The following CDK6 variants were observed in gnomAD, a reference collection of about 807,000 sequenced individuals.
The protein encoded by CDK6 is cyclin dependent kinase 6.
A neutral mutation model predicts 37.1 loss-of-function variants in CDK6; 6 were observed. The observed-to-expected ratio is 0.16, with a 90% CI of 0.09 to 0.32. The LOEUF (loss-of-function observed/expected upper bound fraction) is 0.32, where lower values mean the gene tolerates loss of function less well. CDK6 is among the 10% of genes least tolerant of loss of function. The pLI, the probability that CDK6 is intolerant of heterozygous loss-of-function variation, is 1.00. For synonymous variants in CDK6, 160 were observed against 161.3 expected (o/e 0.99, Z 0.06); for missense variants, 224 against 418.9 (o/e 0.53, Z 4.06).
chr7:92,690,648 C>T (rs555553161), intron 4 of CDK6, among the ~76,000 whole-genome samples: 2 of 152,180 alleles, frequency 1.3e-5, no homozygotes, highest in Non-Finnish European at 2.9e-5. Flanking sequence ...TAACATTCTA[C>T]AGAATTAGTG....
chr7:92,787,427 C>CATT (rs1189340695), intron 2 of CDK6, among the ~76,000 whole-genome samples: 1 of 151,978 alleles, frequency 6.6e-6, no homozygotes, highest in East Asian at 1.9e-4. Flanking sequence ...TGAGGAAATC[C>CATT]TAATCATCAA....
At chr7:92,775,474 T>C (rs1308973313) in intron 2 of CDK6, among the ~76,000 whole-genome samples, 1 of 152,212 alleles carries the variant, frequency 6.6e-6, no homozygotes, top group Non-Finnish European at 1.5e-5. Context: ...GGGACCTGCA[T>C]TGGTAAACTA....
chr7:92,707,026 C>T (rs929190674), intron 4 of CDK6, among the ~76,000 whole-genome samples: 3 of 152,142 alleles, frequency 2.0e-5, no homozygotes, highest in Non-Finnish European at 4.4e-5. Flanking sequence ...AGAGAATGGT[C>T]TCCCTAAGAT....
intron 7 of CDK6, 73 bp from the exon 8 acceptor site, chr7:92,615,359 C>G (rs1346940622): frequency 8.0e-7 from 1 of 1,249,342 alleles, no homozygotes; most frequent in Non-Finnish European, 1.2e-6. Context: ...AGAGTTATCC[C>G]TTTATTCACT....
intron 2 of CDK6, among the ~76,000 whole-genome samples, chr7:92,800,365 C>T (rs936246930): frequency 3.3e-5 from 5 of 152,186 alleles, no homozygotes; most frequent in African/African-American, 7.2e-5. Context: ...TCCATGTATA[C>T]GATGTGTCTG....
chr7:92,709,015 C>G (rs972913539), intron 4 of CDK6, among the ~76,000 whole-genome samples: 8 of 152,088 alleles, frequency 5.3e-5, no homozygotes, highest in Admixed American at 2.6e-4. Flanking sequence ...TCTTATTTAT[C>G]TCATAAAGTA....
chr7:92,825,150 T>C (rs927311962), intron 2 of CDK6, among the ~76,000 whole-genome samples: 2 of 152,122 alleles, frequency 1.3e-5, no homozygotes, highest in African/African-American at 4.8e-5. Flanking sequence ...GGGTAAACAT[T>C]TCAATATGCA....
chr7:92,806,798 G>A (rs1800736411), intron 2 of CDK6, among the ~76,000 whole-genome samples: 1 of 152,170 alleles, frequency 6.6e-6, no homozygotes, highest in Non-Finnish European at 1.5e-5. Context: ...AAGGCTGTGA[G>A]CCTTTACCTG....
At chr7:92,662,253 G>A (rs1226337696) in intron 5 of CDK6, among the ~76,000 whole-genome samples, 1 of 152,136 alleles carries the variant, frequency 6.6e-6, no homozygotes, top group African/African-American at 2.4e-5. Context: ...AAGAGAAAAG[G>A]AACTCACTTC....
chr7:92,748,240 A>G lies in CDK6; in HGVS notation c.370-22447T>C, dbSNP rs572057691. 6.6e-5 allele frequency among the ~76,000 whole-genome samples: 10 copies of G among 152,334 alleles called. No individual in the cohort carries two copies. In the South Asian group the frequency reaches 2.1e-3, roughly 32 times the overall value. ...AAGCAACTATTATATCATCAGCAAG[A>G]AGGAGCAGGAAATGCAAAAAAGGCA... is the stretch of plus-strand genomic sequence containing the variant. On this transcript the variant is annotated intron_variant, in intron 3 of 7. Coordinates refer to ENST00000424848, the MANE Select transcript of CDK6 (RefSeq NM_001145306.2).
At chr7:92,741,434 G>A (rs956058203) in intron 3 of CDK6, among the ~76,000 whole-genome samples, 4 of 152,054 alleles carry the variant, frequency 2.6e-5, no homozygotes, top group Admixed American at 1.3e-4. Context: ...TTGTTTCTTC[G>A]AAATTCAAGT....
chr7:92,708,281 A>T (rs1027464473), intron 4 of CDK6, among the ~76,000 whole-genome samples: 1 of 152,234 alleles, frequency 6.6e-6, no homozygotes, highest in Non-Finnish European at 1.5e-5. Flanking sequence ...GACTATAATG[A>T]GTATATATTA....
chr7:92,650,876 A>G (rs1184300905), intron 5 of CDK6, among the ~76,000 whole-genome samples: 2 of 150,960 alleles, frequency 1.3e-5, no homozygotes, highest in African/African-American at 2.4e-5. Context: ...TTTTGCTTCT[A>G]GCCTGAGAAA....
intron 4 of CDK6, among the ~76,000 whole-genome samples, chr7:92,721,694 C>G (rs1327832045): frequency 6.6e-6 from 1 of 152,104 alleles, no homozygotes; most frequent in Non-Finnish European, 1.5e-5. Flanking sequence ...CAGATGAGGA[C>G]AAGATAAGTC....
At chr7:92,713,667 T>TAAAAAAAAAAAAAA (rs535072218) in intron 4 of CDK6, among the ~76,000 whole-genome samples, 2 of 67,218 alleles carry the variant, frequency 3.0e-5, no homozygotes, top group Non-Finnish European at 3.3e-5. Flanking sequence ...TTAAAAAAAG[T>TAAAAAAAAAAAAAA]AAAAAAAAAA....
At chr7:92,750,403 C>T (rs1417120128) in intron 3 of CDK6, among the ~76,000 whole-genome samples, 2 of 152,140 alleles carry the variant, frequency 1.3e-5, no homozygotes, top group African/African-American at 4.8e-5. Context: ...TCTAAAATGG[C>T]CTCCTGAGTA....
chr7:92,755,403 A>T (rs1475695299), intron 3 of CDK6, among the ~76,000 whole-genome samples: 1 of 151,532 alleles, frequency 6.6e-6, no homozygotes, highest in Non-Finnish European at 1.5e-5. Context: ...ATTAATGGGG[A>T]CACTGCTGTG....
chr7:92,792,576 A>G (rs938414347), intron 2 of CDK6, among the ~76,000 whole-genome samples: 3 of 152,142 alleles, frequency 2.0e-5, no homozygotes, highest in Admixed American at 6.6e-5. Flanking sequence ...TCCCATAGTG[A>G]TATCTAGGAG....
chr7:92,711,552 A>ATTTTTTTTTT lies in CDK6; in HGVS notation c.537+14064_537+14073dup, dbSNP rs11285626. ...TTTTTTACCTACCTGGAATGGTCAA[A>ATTTTTTTTTT]TTTTTTTTTTTTTTTTTTTTTTTTT... On this transcript the variant is annotated intron_variant, in intron 4 of 7. Transcript: ENST00000424848. Among the ~76,000 whole-genome samples, 139 of 56,628 alleles carry ATTTTTTTTTT rather than the reference A, an allele frequency of 2.5e-3. 7 individuals are homozygous for ATTTTTTTTTT. Among genetic ancestry groups the ATTTTTTTTTT allele is most frequent in the African/African-American group, 0.011 (130 of 12,218 alleles). The allele number at this position is 56,628 out of a possible 152,430, so 37.2% of individuals were successfully genotyped here. A position where few individuals can be genotyped will look rare whatever the true frequency, so the allele number is the denominator to read the frequency against.
Sources: gnomAD v4.1 joint callset for allele counts (sites outside exome capture counted in the v4.1 genomes callset) on GRCh38, gnomAD v4.1.1 for gene constraint, MANE v1.5 for transcripts, NCBI Gene and HGNC (gene_info 2026-07-23, HGNC 2026-07-21) for gene names.